Variants in PER3 observed in about 807,000 individuals in gnomAD.
The protein encoded by PER3 is period circadian protein homolog 3.
PER3 carries 107 observed loss-of-function variants against 127.2 expected under a neutral mutation model. The ratio of observed to expected loss-of-function variants is 0.84; its 90% CI spans 0.72 to 0.99. PER3 has a LOEUF of 0.99. PER3 is among the 50% of genes least tolerant of loss of function. The pLI is 0.00. For missense variants in PER3, 1,560 were observed against 1,525.8 expected, an observed-to-expected ratio of 1.02 and a Z score of -0.37; for synonymous variants, 618 against 585.8, an observed-to-expected ratio of 1.05 and a Z score of -0.79.
intron 19 of PER3, among the ~76,000 whole-genome samples, chr1:7,834,595 A>G (rs758615003): frequency 1.3e-5 from 2 of 152,068 alleles, no homozygotes; most frequent in Non-Finnish European, 2.9e-5. Flanking sequence ...AGCTAGGACT[A>G]CAGGCATGTA....
intron 13 of PER3, among the ~76,000 whole-genome samples, chr1:7,811,324 A>G (rs905917073): frequency 1.2e-4 from 18 of 152,240 alleles, no homozygotes; most frequent in African/African-American, 3.9e-4. Flanking sequence ...TTTGAGGTCA[A>G]TAATGATAAC....
chr1:7,832,131 T>C (rs2097334040), intron 19 of PER3, among the ~76,000 whole-genome samples: 1 of 152,118 alleles, frequency 6.6e-6, no homozygotes, highest in African/African-American at 2.4e-5. Context: ...TCAAGAAATG[T>C]ATCTATTTTA....
At chr1:7,818,403 T>C (rs1355711831) in intron 13 of PER3, among the ~76,000 whole-genome samples, 2 of 152,222 alleles carry the variant, frequency 1.3e-5, no homozygotes, top group East Asian at 3.8e-4. Flanking sequence ...AGAAGCCTCT[T>C]CCAAGCCAGC....
In PER3 at chr1:7,826,612, A is replaced by G; in HGVS notation, c.2090A>G (p.Asn697Ser). 1 of 1,613,620 alleles carries G rather than the reference A, an allele frequency of 6.2e-7. No individual in the cohort carries two copies. Among genetic ancestry groups the G allele is most frequent in the Non-Finnish European group, 8.5e-7 (1 of 1,179,516 alleles). ...GCGCACACCCAGAAGGAAGAGCAGA[A>G]TTATGTTGATAAATTCCGAGAAAAG... is the stretch of plus-strand genomic sequence containing the variant. ...LSAHTQKEEQNYVDKFREKIL... is the reference protein window; with the variant it reads ...LSAHTQKEEQSYVDKFREKIL... Residue 697 changes from asparagine to serine, a missense_variant, in exon 17 of 22, where the codon AAT becomes AGT. Asn to Ser is a conservative substitution (Grantham distance 46, BLOSUM62 1). This residue lies in a region of PER3 where 1,332 missense variants were observed against 1,223.6 expected (regional missense o/e 1.09). Transcript: ENST00000377532. This position sits in a 1 kb window ranked among gnomAD's most constrained non-coding sequence, Gnocchi z 4.2.
rs377260542 is a variant in PER3, at chr1:7,785,541, C to T, written c.229C>T (p.Leu77=). 3 of 1,613,480 alleles carry T rather than the reference C, an allele frequency of 1.9e-6. No homozygotes were observed. Among genetic ancestry groups the T allele is most frequent in the Non-Finnish European group, 2.5e-6 (3 of 1,179,484 alleles). Residue 77 remains leucine (L), a synonymous_variant, in exon 3 of 22, where the codon CTA becomes TTA. Transcript: ENST00000377532. ...PSERRNKPST[L]DALNYALRCV... ...GGAGAGACGCAATAAACCAAGCACT[C>T]TAGATGCCCTCAACTATGCTCTCCG...
intron 6 of PER3, 126 bp downstream of exon 6, chr1:7,794,134 T>C: frequency 1.3e-6 from 1 of 798,220 alleles, no homozygotes; most frequent in South Asian, 1.4e-5. Context: ...GACTTGGTTA[T>C]TGCCACAAGG....
chr1:7,790,984 A>G (rs1364632827), intron 5 of PER3, among the ~76,000 whole-genome samples: 13 of 152,234 alleles, frequency 8.5e-5, no homozygotes, highest in Admixed American at 4.6e-4. Context: ...AGCCTCCCTT[A>G]TGGCTGGTTT....
rs1324700586 is a variant in PER3, at chr1:7,844,815, G to T, written c.*2060G>T. ...AGCTTGACCGATGCCCCCCGAGGGG[G>T]CTCTCCCCAGCTTAAACTTTGTTGT... On this transcript the variant is annotated 3_prime_UTR_variant, in exon 22 of 22. Coordinates refer to ENST00000377532, the MANE Select transcript of PER3 (RefSeq NM_001377275.1). 1 of 152,520 alleles carries T rather than the reference G, an allele frequency of 6.6e-6. No homozygotes were observed. The highest frequency in any genetic ancestry group is 1.5e-5 in the Non-Finnish European group (1 of 68,032). 9.4% of individuals were successfully genotyped at this position (152,520 alleles called of 1,614,324 possible).
chr1:7,814,237 C>T (rs376070145), intron 13 of PER3, among the ~76,000 whole-genome samples: 1 of 152,288 alleles, frequency 6.6e-6, no homozygotes, highest in East Asian at 1.9e-4. Context: ...CAGGAATTTT[C>T]TACTGAGCCA....
intron 10 of PER3, among the ~76,000 whole-genome samples, chr1:7,807,085 A>C (rs1041576427): frequency 2.7e-4 from 41 of 152,142 alleles, no homozygotes; most frequent in Non-Finnish European, 2.9e-5. Flanking sequence ...GCTATGGACC[A>C]GACACTGTTC....
chr1:7,828,914 T>G (rs983499215), intron 18 of PER3, among the ~76,000 whole-genome samples: 3 of 152,178 alleles, frequency 2.0e-5, no homozygotes, highest in African/African-American at 7.2e-5. Flanking sequence ...AACATATAAA[T>G]GTTCGATATG....
At chr1:7,836,951 C>T in intron 20 of PER3, 48 bp from the exon 21 acceptor site, 2 of 1,492,390 alleles carry the variant, frequency 1.3e-6, no homozygotes, top group South Asian at 1.2e-5. Flanking sequence ...GGGAAAAGAA[C>T]CCTGTGTCTT....
chr1:7,799,058 C>A (rs867989325), intron 7 of PER3, among the ~76,000 whole-genome samples: 1 of 152,126 alleles, frequency 6.6e-6, no homozygotes, highest in Non-Finnish European at 1.5e-5. Context: ...TTCTGAAACT[C>A]CCTGAGTAAA....
chr1:7,788,293 G>A, intron 5 of PER3, 47 bp downstream of exon 5: 3 of 1,295,120 alleles, frequency 2.3e-6, no homozygotes, highest in Non-Finnish European at 3.4e-6. Flanking sequence ...ATCAAGATCA[G>A]TTTCATTCTT....
rs188245769 is a variant in PER3 at position 7,793,930 on chromosome 1, T to C, written c.593-27T>C. Reference sequence around the variant, plus strand: ...TGAGAAAGACCTGGATAAGAGGGAGTGACTGACCAGGCATCTTTCTTTCTA... The same window carrying C: ...TGAGAAAGACCTGGATAAGAGGGAGCGACTGACCAGGCATCTTTCTTTCTA... On this transcript the variant is annotated intron_variant, in intron 5 of 21. Coordinates refer to ENST00000377532, the MANE Select transcript of PER3 (RefSeq NM_001377275.1). The C allele has an allele frequency of 6.2e-5, 100 of 1,602,008 alleles. No individual in the cohort carries two copies. The African/African-American group carries it at 1.2e-3, about 20-fold the overall frequency.
chr1:7,844,587 G>T lies in PER3; in HGVS notation c.*1832G>T, dbSNP rs2097403486. 1 of 152,742 alleles carries T rather than the reference G, an allele frequency of 6.5e-6. No individual in the cohort carries two copies. The highest frequency in any genetic ancestry group is 6.5e-5 in the Admixed American group (1 of 15,286). The allele number at this position is 152,742 out of a possible 1,614,324, so 9.5% of individuals were successfully genotyped here. A position where few individuals can be genotyped will look rare whatever the true frequency, so the allele number is the denominator to read the frequency against. Reference sequence around the variant, plus strand: ...CTAATAGAAGCCTTTCTTTTCCATTGTTTCTGGATATTTGTATTATCCAAA... The same window carrying T: ...CTAATAGAAGCCTTTCTTTTCCATTTTTTCTGGATATTTGTATTATCCAAA... On this transcript the variant is annotated 3_prime_UTR_variant, in exon 22 of 22. Transcript: ENST00000377532.
chr1:7,806,431 G>A (rs1180673220), intron 10 of PER3, among the ~76,000 whole-genome samples: 2 of 152,114 alleles, frequency 1.3e-5, no homozygotes, highest in Non-Finnish European at 2.9e-5. Flanking sequence ...TGGCATTTTT[G>A]TTGCTGTTTC....
chr1:7,786,594 T>C (rs1321937616), intron 3 of PER3, 127 bp from the exon 4 acceptor site: 13 of 562,480 alleles, frequency 2.3e-5, no homozygotes, highest in African/African-American at 2.3e-4. Flanking sequence ...GAAAATGATC[T>C]GTTTTTGAGA....
intron 6 of PER3, among the ~76,000 whole-genome samples, chr1:7,794,409 C>T (rs1433290139): frequency 4.6e-5 from 7 of 152,162 alleles, no homozygotes; most frequent in Non-Finnish European, 8.8e-5. Context: ...AGGAGAATAG[C>T]TTGAACCTGG....
Sources: allele counts gnomAD v4.1 joint callset (sites outside exome capture counted in the v4.1 genomes callset), GRCh38; gene constraint gnomAD v4.1.1; regional missense constraint gnomAD v4.1.1; non-coding constraint Gnocchi (gnomAD v3.1); transcripts MANE v1.5; gene names NCBI Gene and HGNC (gene_info 2026-07-23, HGNC 2026-07-21).